Variants in PDE10A observed in about 807,000 individuals in gnomAD.
The protein encoded by PDE10A is phosphodiesterase 10A.
Under a neutral mutation model 97.7 loss-of-function variants are expected in PDE10A, and 39 were observed. The ratio of observed to expected loss-of-function variants is 0.40; its 90% confidence interval spans 0.31 to 0.52. The LOEUF (loss-of-function observed/expected upper bound fraction) is 0.52. Ranked by LOEUF, PDE10A falls within the 20% of genes least tolerant of loss-of-function variation. The pLI is 0.56. For missense variants in PDE10A, 731 were observed against 1,047.8 expected, an observed-to-expected ratio of 0.70 and a Z score of 4.17; for synonymous variants, 371 against 376.8, an observed-to-expected ratio of 0.98 and a Z score of 0.18.
intron 1 of PDE10A, among the ~76,000 whole-genome samples, chr6:165,810,157 C>T (rs1413137414): frequency 6.6e-6 from 1 of 152,062 alleles, no homozygotes; most frequent in East Asian, 1.9e-4. Context: ...TGGTGTTGAT[C>T]CCCCGTGAGC....
chr6:165,838,757 C>T (rs973999388), intron 1 of PDE10A, among the ~76,000 whole-genome samples: 1 of 152,218 alleles, frequency 6.6e-6, no homozygotes, highest in African/African-American at 2.4e-5. Context: ...TTCTTCTTCT[C>T]TCCTCATCTG....
intron 1 of PDE10A, among the ~76,000 whole-genome samples, chr6:165,761,851 T>G (rs939908484): frequency 2.2e-4 from 34 of 152,340 alleles, no homozygotes; most frequent in African/African-American, 7.7e-4. Context: ...AACTACCTTC[T>G]GTAAGAAGTA....
At chr6:165,446,960 G>T (rs1265726103) in intron 5 of PDE10A, among the ~76,000 whole-genome samples, 1 of 152,028 alleles carries the variant, frequency 6.6e-6, no homozygotes, top group East Asian at 1.9e-4. Flanking sequence ...TAAAGTAAAA[G>T]ATAAGTAAAG....
chr6:165,605,112 G>A (rs909957823), intron 1 of PDE10A, among the ~76,000 whole-genome samples: 6 of 151,926 alleles, frequency 3.9e-5, no homozygotes, highest in Non-Finnish European at 8.8e-5. Context: ...GCTCATACCT[G>A]TTCTCTTTCC....
intron 2 of PDE10A, among the ~76,000 whole-genome samples, chr6:165,498,423 CAAAAAAAAAAAAAAAAAAAAAAAAA>C (rs35069498): frequency 3.5e-3 from 81 of 22,890 alleles, no homozygotes; most frequent in Middle Eastern, 0.025. Context: ...ACCCTGTCTC[CAAAAAAAAAAAAAAAAAAAAAAAAA>C]AAAAAAAAAA....
At chr6:165,404,851 A>AAAAACAAAAC (rs59508942) in intron 13 of PDE10A, among the ~76,000 whole-genome samples, 10,246 of 151,054 alleles carry the variant, frequency 0.068, 1,178 homozygotes, top group African/African-American at 0.24. Context: ...ACCAAAATGC[A>AAAAACAAAAC]AAAACAAAAC....
At chr6:165,568,037 C>G (rs930113966) in intron 1 of PDE10A, among the ~76,000 whole-genome samples, 31 of 124,274 alleles carry the variant, frequency 2.5e-4, no homozygotes, top group African/African-American at 7.1e-4. Flanking sequence ...CTCGCTCTGT[C>G]GCCCAGGCTG....
At chr6:165,546,312 G>T (rs1562568799) in intron 1 of PDE10A, among the ~76,000 whole-genome samples, 1 of 152,010 alleles carries the variant, frequency 6.6e-6, no homozygotes, top group African/African-American at 2.4e-5. Flanking sequence ...TTAGGATGAT[G>T]AAACTATTCT....
intron 1 of PDE10A, among the ~76,000 whole-genome samples, chr6:165,691,240 C>G (rs1386777924): frequency 6.8e-6 from 1 of 147,860 alleles, no homozygotes; most frequent in Non-Finnish European, 1.5e-5. Context: ...CACACACACA[C>G]AGAGTCAGGC....
intron 21 of PDE10A, among the ~76,000 whole-genome samples, chr6:165,334,286 G>A (rs559122585): frequency 7.2e-4 from 109 of 150,556 alleles, no homozygotes; most frequent in Middle Eastern, 6.9e-3. Flanking sequence ...GCCCTACAGC[G>A]CCGGGCACGC....
At chr6:165,356,435 T>C (rs1009239210) in intron 18 of PDE10A, among the ~76,000 whole-genome samples, 1 of 152,188 alleles carries the variant, frequency 6.6e-6, no homozygotes, top group Non-Finnish European at 1.5e-5. Flanking sequence ...CTTTACAAAG[T>C]TATATAATAC....
At chr6:165,351,565 C>T (rs1473241559) in intron 18 of PDE10A, among the ~76,000 whole-genome samples, 1 of 152,196 alleles carries the variant, frequency 6.6e-6, no homozygotes, top group African/African-American at 2.4e-5. Flanking sequence ...TTGCTGAACA[C>T]CTACTATGTG....
chr6:165,366,383 A>G (rs1340811752), intron 18 of PDE10A, among the ~76,000 whole-genome samples: 1 of 152,194 alleles, frequency 6.6e-6, no homozygotes, highest in Non-Finnish European at 1.5e-5. Flanking sequence ...CTAAAATAAA[A>G]CTTTTCAGCT....
intron 1 of PDE10A, among the ~76,000 whole-genome samples, chr6:165,759,991 T>C (rs1457461838): frequency 6.6e-6 from 1 of 152,230 alleles, no homozygotes; most frequent in Non-Finnish European, 1.5e-5. Context: ...CATGAATTGG[T>C]TAAAATCAAT....
intron 1 of PDE10A, among the ~76,000 whole-genome samples, chr6:165,553,078 T>A (rs1784092132): frequency 6.6e-6 from 1 of 152,224 alleles, no homozygotes; most frequent in Admixed American, 6.5e-5. Context: ...CTTACTTCTA[T>A]CTTCACTTTC....
At chr6:165,552,584 A>G (rs1583525587) in intron 1 of PDE10A, among the ~76,000 whole-genome samples, 1 of 152,228 alleles carries the variant, frequency 6.6e-6, no homozygotes, top group African/African-American at 2.4e-5. Context: ...CTTCCCTGGT[A>G]GGTAACACTA....
chr6:165,663,261 A>ACGC (rs376739819), upstream of PDE10A, among the ~76,000 whole-genome samples: 44 of 150,286 alleles, frequency 2.9e-4, no homozygotes, highest in South Asian at 6.5e-4. Flanking sequence ...GGCGCTCCCC[A>ACGC]CGCCGCCGCC....
At chr6:165,643,256 T>C (rs1047960263) in intron 1 of PDE10A, among the ~76,000 whole-genome samples, 1 of 104,562 alleles carries the variant, frequency 9.6e-6, no homozygotes, top group African/African-American at 4.6e-5. Flanking sequence ...GATGGATGGA[T>C]GGATGGATGG....
chr6:165,870,186 T>C (rs1293697139), intron 1 of PDE10A, among the ~76,000 whole-genome samples: 1 of 152,146 alleles, frequency 6.6e-6, no homozygotes, highest in Non-Finnish European at 1.5e-5. Context: ...GAGAAAATAT[T>C]TGCAAACTAC....
Sources: allele counts gnomAD v4.1 joint callset (sites outside exome capture counted in the v4.1 genomes callset), GRCh38; gene constraint gnomAD v4.1.1; transcripts MANE v1.5; gene names NCBI Gene and HGNC (gene_info 2026-07-23, HGNC 2026-07-21).